WNK3: variants seen among roughly 807,000 people sequenced by gnomAD.
WNK3 encodes the protein serine/threonine-protein kinase WNK3.
Under a neutral mutation model 116.7 loss-of-function variants are expected in WNK3, and 18 were observed. The ratio of observed to expected loss-of-function variants is 0.15; its 90% CI spans 0.11 to 0.23. The LOEUF is 0.23. Among genes scored for constraint, WNK3 ranks in the 10% least tolerant of loss-of-function variants. The probability of loss-of-function intolerance (pLI) is 1.00; values close to 1 mark genes in which losing one functional copy is unlikely to be tolerated. For synonymous variants in WNK3, 404 were observed against 469.4 expected, an observed-to-expected ratio of 0.86 and a Z score of 1.80; for missense variants, 993 against 1,323.8, an observed-to-expected ratio of 0.75 and a Z score of 3.88.
intron 5 of WNK3, among the ~76,000 whole-genome samples, chrX:54,306,793 C>T (rs1346517056): frequency 9.0e-6 from 1 of 111,054 alleles, no homozygotes; most frequent in Non-Finnish European, 1.9e-5. Context: ...TTTCAAATGT[C>T]TTACCACACA....
exon 17 of WNK3, chrX:54,249,213 T>C: frequency 8.3e-7 from 1 of 1,211,963 alleles, no homozygotes; most frequent in East Asian, 3.0e-5. Context: ...GCTGCTGTAC[T>C]GATAAGGTTT....
chrX:54,348,238 G>A (rs1281378623), intron 1 of WNK3, among the ~76,000 whole-genome samples: 1 of 109,730 alleles, frequency 9.1e-6, no homozygotes, highest in Non-Finnish European at 1.9e-5. Flanking sequence ...GTGCAGTGGC[G>A]TGATCTCAGC....
At chrX:54,338,728 G>A (rs1373534139) in intron 1 of WNK3, among the ~76,000 whole-genome samples, 11 of 109,910 alleles carry the variant, frequency 1.0e-4, no homozygotes, top group African/African-American at 2.6e-4. Context: ...AGACCTGGGC[G>A]TGGTGGCTCA....
At chrX:54,353,351 G>A (rs1557178799) in intron 1 of WNK3, among the ~76,000 whole-genome samples, 4 of 110,821 alleles carry the variant, frequency 3.6e-5, no homozygotes, top group East Asian at 2.8e-4. Flanking sequence ...CCAGCTATTC[G>A]GGATGCTGAG....
intron 10 of WNK3, among the ~76,000 whole-genome samples, chrX:54,287,505 T>C (rs2068593567): frequency 8.9e-6 from 1 of 112,047 alleles, no homozygotes; most frequent in Non-Finnish European, 1.9e-5. Flanking sequence ...CCCACTTTCC[T>C]CCTTTTCCTC....
At chrX:54,275,281 A>C (rs782714464) in intron 10 of WNK3, among the ~76,000 whole-genome samples, 2 of 110,423 alleles carry the variant, frequency 1.8e-5, no homozygotes, top group South Asian at 7.7e-4. Flanking sequence ...GCACCATTGC[A>C]CTCCAGCCTG....
intron 22 of WNK3, among the ~76,000 whole-genome samples, chrX:54,222,439 G>T (rs2067774347): frequency 1.9e-5 from 2 of 106,154 alleles, no homozygotes; most frequent in African/African-American, 6.9e-5. Context: ...TGCGCCTATG[G>T]TCCCGGCTAC....
chrX:54,215,915 T>G (rs1461774438), intron 22 of WNK3, among the ~76,000 whole-genome samples: 1 of 111,613 alleles, frequency 9.0e-6, no homozygotes, highest in Non-Finnish European at 1.9e-5. Context: ...CATAGGAGAC[T>G]CCATTTTGTT....
rs199737585 is a variant in WNK3 at position 54,239,108 on chromosome X, G to A, written c.3652-9C>T. 2.3e-6 allele frequency: 2 copies of A among 867,490 alleles called. No individual in the cohort carries two copies. The highest frequency in any genetic ancestry group is 3.7e-5 in the South Asian group (1 of 26,937). 71.5% of individuals were successfully genotyped at this position (867,490 alleles called of 1,213,427 possible). On this transcript the variant is annotated splice_polypyrimidine_tract_variant and intron_variant, in intron 17 of 23. Transcript: ENST00000354646. The stretch of plus-strand genomic sequence containing the variant: ...GCATCTGAGGACATCTCCTAATGGA[G>A]ACAAAACAAAACAAAACAAAACAAA...
At chrX:54,248,613 A>C in intron 17 of WNK3, 84 bp downstream of exon 17, 1 of 870,553 alleles carries the variant, frequency 1.1e-6, no homozygotes, top group Non-Finnish European at 1.6e-6. Context: ...ATTTCATCTC[A>C]AAGGACAGAA....
At chrX:54,344,443 AG>A (rs2069379108) in intron 1 of WNK3, among the ~76,000 whole-genome samples, 1 of 110,880 alleles carries the variant, frequency 9.0e-6, no homozygotes, top group Non-Finnish European at 1.9e-5. Flanking sequence ...CCGTCTCAAA[AG>A]AAAAAAAAAA....
chrX:54,237,405 T>C, exon 20 of WNK3: 1 of 1,209,912 alleles, frequency 8.3e-7, no homozygotes, highest in Non-Finnish European at 1.1e-6. Flanking sequence ...TTGGATTTTG[T>C]GTGGCAGGTT....
At position 54,201,944 on chromosome X, in the gene WNK3, T is replaced by C. The variant is rs190747938; in HGVS notation, c.5073+47A>G. ...ATAGGCCTAAGCGCATCAATTTTTA[T>C]GGTTTTAGTTCTTGTAAACAAAGTG... On this transcript the variant is annotated intron_variant, in intron 23 of 23. Transcript: ENST00000354646. 3.4e-4 allele frequency: 385 copies of C among 1,122,742 alleles called. 1 individual carries two copies. The highest frequency in any genetic ancestry group is 1.5e-3 in the South Asian group (82 of 53,507). 92.5% of individuals were successfully genotyped at this position (1,122,742 alleles called of 1,213,427 possible).
intron 2 of WNK3, among the ~76,000 whole-genome samples, chrX:54,322,598 G>T (rs2069051711): frequency 9.0e-6 from 1 of 111,554 alleles, no homozygotes; most frequent in Admixed American, 9.6e-5. Flanking sequence ...TAGTGAGTGG[G>T]AAATTCTTCA....
At position 54,238,910 on chromosome X, in the gene WNK3, G is replaced by A. The variant is rs377088498; in HGVS notation, c.3841C>T (p.Arg1281Trp). Residue 1281 changes from arginine to tryptophan, a missense_variant, in exon 18 of 24, where the codon CGG becomes TGG. Arg to Trp is a moderately radical substitution (Grantham distance 101). This residue lies in a region of WNK3 where 836 missense variants were observed against 976.5 expected (regional missense o/e 0.86). Coordinates refer to ENST00000354646, the Ensembl canonical transcript of WNK3. ...CTCTTGAAAAAGCTGGTTGACTGCC[G>A]TAGCCTGTATGCCCAGCTTTTTAAT... 6.0e-5 allele frequency: 72 copies of A among 1,199,803 alleles called. No homozygotes were observed. Among genetic ancestry groups the A allele is most frequent in the African/African-American group, 7.1e-5 (4 of 56,673 alleles).
intron 2 of WNK3, among the ~76,000 whole-genome samples, chrX:54,323,935 C>T (rs1298172353): frequency 1.8e-5 from 2 of 112,336 alleles, no homozygotes; most frequent in African/African-American, 6.5e-5. Context: ...TAACAAATTA[C>T]AACAAACACA....
exon 2 of WNK3, chrX:54,333,324 G>A: frequency 8.3e-7 from 1 of 1,210,019 alleles, no homozygotes; most frequent in Non-Finnish European, 1.1e-6. Context: ...ACAATCTTTT[G>A]AGATTTCTGA....
intron 19 of WNK3, among the ~76,000 whole-genome samples, chrX:54,238,090 G>A (rs2067983294): frequency 1.8e-5 from 2 of 110,149 alleles, no homozygotes; most frequent in East Asian, 2.8e-4. Flanking sequence ...AAAATTAGCC[G>A]GGTGTGGTGG....
exon 24 of WNK3, chrX:54,198,526 TATG>T: frequency 8.3e-7 from 1 of 1,205,794 alleles, no homozygotes; most frequent in East Asian, 3.0e-5. Context: ...AGGCATTCCA[TATG>T]ATGATAATGG....
Sources: allele counts gnomAD v4.1 joint callset (sites outside exome capture counted in the v4.1 genomes callset), GRCh38; gene constraint gnomAD v4.1.1; regional missense constraint gnomAD v4.1.1; transcripts MANE v1.5; gene names NCBI Gene and HGNC (gene_info 2026-07-23, HGNC 2026-07-21).